The following SEMA3A variants were observed in gnomAD, a reference collection of about 807,000 sequenced individuals.
SEMA3A encodes semaphorin 3A.
Under a neutral mutation model 97.9 loss-of-function variants are expected in SEMA3A, and 29 were observed. The observed-to-expected ratio is 0.30, with a 90% CI of 0.22 to 0.40. The LOEUF is 0.40. Among genes scored for constraint, SEMA3A ranks in the 10% least tolerant of loss-of-function variants. The pLI, the probability that SEMA3A is intolerant of heterozygous loss-of-function variation, is 1.00. For synonymous variants in SEMA3A, 321 were observed against 323.7 expected, an observed-to-expected ratio of 0.99 and a Z score of 0.09; for missense variants, 763 against 951.3, an observed-to-expected ratio of 0.80 and a Z score of 2.60.
At chr7:84,333,680 A>G (rs1801961198) in intron 2 of SEMA3A, among the ~76,000 whole-genome samples, 1 of 152,188 alleles carries the variant, frequency 6.6e-6, no homozygotes, top group Admixed American at 6.6e-5. Context: ...TATTTTAAGG[A>G]AGGACATTTT....
chr7:84,479,260 G>A (rs956626410), intron 1 of SEMA3A, among the ~76,000 whole-genome samples: 2 of 152,004 alleles, frequency 1.3e-5, no homozygotes, highest in Non-Finnish European at 2.9e-5. Flanking sequence ...AGTGCTTAAG[G>A]TTAAGTGCTA....
At chr7:84,093,505 A>T (rs750163945) in intron 4 of SEMA3A, among the ~76,000 whole-genome samples, 11 of 152,196 alleles carry the variant, frequency 7.2e-5, no homozygotes, top group Non-Finnish European at 1.5e-4. Flanking sequence ...TCAACGCAAC[A>T]AAAGCAATAA....
At chr7:84,009,315 A>G (rs1790786759) in intron 9 of SEMA3A, among the ~76,000 whole-genome samples, 1 of 152,240 alleles carries the variant, frequency 6.6e-6, no homozygotes, top group Non-Finnish European at 1.5e-5. Context: ...TAGCTTAGTC[A>G]TTCTGGTTTT....
At chr7:83,966,080 GTAGTT>G (rs1788684278) in intron 15 of SEMA3A, among the ~76,000 whole-genome samples, 1 of 151,736 alleles carries the variant, frequency 6.6e-6, no homozygotes, top group Non-Finnish European at 1.5e-5. Context: ...AATCTTTCTT[GTAGTT>G]CTAGGTAACT....
chr7:84,085,491 A>G (rs2115819780), intron 4 of SEMA3A, among the ~76,000 whole-genome samples: 1 of 152,232 alleles, frequency 6.6e-6, no homozygotes, highest in Non-Finnish European at 1.5e-5. Flanking sequence ...GGAGAAGAGA[A>G]ATAATGATAG....
At chr7:84,399,746 C>A (rs1562932993) in intron 1 of SEMA3A, among the ~76,000 whole-genome samples, 1 of 152,174 alleles carries the variant, frequency 6.6e-6, no homozygotes, top group Non-Finnish European at 1.5e-5. Flanking sequence ...TTAAAATGGC[C>A]TCTGGCCTTG....
chr7:84,011,092 CTGTT>C lies in SEMA3A; in HGVS notation c.926-5_926-2del. On this transcript the variant is annotated splice_acceptor_variant and splice_polypyrimidine_tract_variant and intron_variant, in intron 8 of 16. Coordinates refer to ENST00000265362, the MANE Select transcript of SEMA3A (RefSeq NM_006080.3). LOFTEE classifies it high-confidence loss of function. ...TTAAAGTTCATTAGGAATACATCCT[CTGTT>C]TAAAAACAAAATTGGAGAAAGTTGC... 1.2e-6 allele frequency: 2 copies of C among 1,611,660 alleles called. No homozygotes were observed. The highest frequency in any genetic ancestry group is 1.7e-6 in the Non-Finnish European group (2 of 1,178,012).
At chr7:84,295,457 A>C (rs1800845395) in intron 3 of SEMA3A, among the ~76,000 whole-genome samples, 1 of 152,084 alleles carries the variant, frequency 6.6e-6, no homozygotes, top group African/African-American at 2.4e-5. Flanking sequence ...ATCTGAAATG[A>C]AATCCGCATG....
intron 1 of SEMA3A, among the ~76,000 whole-genome samples, chr7:84,165,603 A>C (rs1018616427): frequency 1.3e-5 from 2 of 152,114 alleles, no homozygotes; most frequent in Admixed American, 1.3e-4. Flanking sequence ...CCCAGGCTGC[A>C]GTGCAGTGTC....
intron 2 of SEMA3A, among the ~76,000 whole-genome samples, chr7:84,130,552 C>A (rs1454732819): frequency 1.3e-5 from 2 of 152,014 alleles, no homozygotes; most frequent in African/African-American, 4.8e-5. Flanking sequence ...AGTTGTTCCA[C>A]AGGCTTTTAC....
At chr7:84,439,017 G>T (rs988104986) in intron 1 of SEMA3A, among the ~76,000 whole-genome samples, 3 of 151,344 alleles carry the variant, frequency 2.0e-5, no homozygotes, top group African/African-American at 7.3e-5. Flanking sequence ...TGTGTCAGAG[G>T]GGCCTGAGCA....
intron 1 of SEMA3A, among the ~76,000 whole-genome samples, chr7:84,135,840 T>C (rs1017358356): frequency 2.0e-5 from 3 of 152,338 alleles, no homozygotes; most frequent in African/African-American, 4.8e-5. Flanking sequence ...CATGAAAACA[T>C]GAATTAAATT....
chr7:84,228,033 T>C (rs1033615529), intron 3 of SEMA3A, among the ~76,000 whole-genome samples: 1 of 152,030 alleles, frequency 6.6e-6, no homozygotes, highest in Non-Finnish European at 1.5e-5. Context: ...TTTAATACTT[T>C]CATAAATTCT....
intron 15 of SEMA3A, among the ~76,000 whole-genome samples, chr7:83,975,630 A>G (rs545204509): frequency 3.3e-5 from 5 of 152,250 alleles, no homozygotes; most frequent in African/African-American, 1.2e-4. Context: ...AAACCTAGAA[A>G]TATACAACAA....
chr7:84,373,169 A>G (rs1343727174), intron 1 of SEMA3A, among the ~76,000 whole-genome samples: 2 of 152,152 alleles, frequency 1.3e-5, no homozygotes, highest in African/African-American at 4.8e-5. Context: ...TCCCCAGTCA[A>G]CCTGTAGAAA....
At chr7:84,081,314 C>A (rs886652908) in intron 4 of SEMA3A, among the ~76,000 whole-genome samples, 2 of 151,910 alleles carry the variant, frequency 1.3e-5, no homozygotes, top group Non-Finnish European at 2.9e-5. Flanking sequence ...CTTGTAGGGC[C>A]GGGCGCGGTG....
intron 3 of SEMA3A, among the ~76,000 whole-genome samples, chr7:84,124,164 T>C (rs1397959228): frequency 6.6e-6 from 1 of 152,156 alleles, no homozygotes; most frequent in African/African-American, 2.4e-5. Context: ...AATGGCCCAC[T>C]CTAAAAGTGC....
At chr7:84,313,403 T>A (rs985730635) in intron 2 of SEMA3A, among the ~76,000 whole-genome samples, 43 of 113,660 alleles carry the variant, frequency 3.8e-4, no homozygotes, top group African/African-American at 9.8e-4. Flanking sequence ...TATATATATA[T>A]ATAAACTATA....
intron 4 of SEMA3A, among the ~76,000 whole-genome samples, chr7:84,073,441 G>C (rs1010512651): frequency 1.3e-5 from 2 of 152,110 alleles, no homozygotes; most frequent in Non-Finnish European, 2.9e-5. Flanking sequence ...ATAAAGTTGA[G>C]TTTGGACAAT....
Sources: gnomAD v4.1 joint callset for allele counts (sites outside exome capture counted in the v4.1 genomes callset) on GRCh38, gnomAD v4.1.1 for gene constraint, MANE v1.5 for transcripts, NCBI Gene and HGNC (gene_info 2026-07-23, HGNC 2026-07-21) for gene names.